The following ITPRID1 variants were observed in gnomAD, a reference collection of about 807,000 sequenced individuals.
ITPRID1 encodes the protein protein ITPRID1.
A neutral mutation model predicts 95.4 loss-of-function variants in ITPRID1; 96 were observed. The ratio of observed to expected loss-of-function variants is 1.01; its 90% CI spans 0.85 to 1.19. ITPRID1 has a LOEUF of 1.19. Among genes scored for constraint, ITPRID1 ranks in the 50% most tolerant of loss-of-function variants. The pLI, the probability that ITPRID1 is intolerant of heterozygous loss-of-function variation, is 0.00. For synonymous variants in ITPRID1, 510 were observed against 453.6 expected (o/e 1.12, Z -1.58); for missense variants, 1,339 against 1,252.9 (o/e 1.07, Z -1.04).
At chr7:31,651,721 A>G (rs1159420830) in intron 13 of ITPRID1, among the ~76,000 whole-genome samples, 1 of 152,014 alleles carries the variant, frequency 6.6e-6, no homozygotes, top group African/African-American at 2.4e-5. Flanking sequence ...AAATTATTAA[A>G]TTGTGCTCTT....
At chr7:31,543,769 A>T (rs1281826826) in intron 1 of ITPRID1, among the ~76,000 whole-genome samples, 2 of 152,052 alleles carry the variant, frequency 1.3e-5, no homozygotes, top group African/African-American at 4.8e-5. Context: ...TTTAATTTTC[A>T]TGGAGATCAT....
intron 10 of ITPRID1, among the ~76,000 whole-genome samples, chr7:31,614,476 C>T (rs553821738): frequency 1.3e-5 from 2 of 152,052 alleles, no homozygotes; most frequent in Non-Finnish European, 2.9e-5. Context: ...TGAAGTAAGA[C>T]AGAAAAAGCC....
At chr7:31,530,335 G>C (rs1783554949) in intron 1 of ITPRID1, among the ~76,000 whole-genome samples, 3 of 152,140 alleles carry the variant, frequency 2.0e-5, no homozygotes, top group South Asian at 4.1e-4. Flanking sequence ...TAATTAATCA[G>C]TGAATTCACT....
At chr7:31,593,098 A>G (rs1785936230) in intron 10 of ITPRID1, among the ~76,000 whole-genome samples, 1 of 152,158 alleles carries the variant, frequency 6.6e-6, no homozygotes, top group Admixed American at 6.5e-5. Flanking sequence ...TGAGGTCAGG[A>G]GTTCGAGACC....
intron 1 of ITPRID1, among the ~76,000 whole-genome samples, chr7:31,545,788 G>A (rs1784078245): frequency 6.6e-6 from 1 of 152,020 alleles, no homozygotes; most frequent in African/African-American, 2.4e-5. Flanking sequence ...TCCTAGCAGA[G>A]TGTTGACAGA....
At chr7:31,616,387 GTTTTGTTCTGAATCATCCCTA>G (rs1414563432) in intron 10 of ITPRID1, among the ~76,000 whole-genome samples, 4 of 149,306 alleles carry the variant, frequency 2.7e-5, no homozygotes, top group African/African-American at 9.9e-5. Context: ...AGGTCTTAGA[GTTTTGTTCTGAATCATCCCTA>G]CCACCTGTCT....
At chr7:31,538,336 T>C (rs1033392139) in intron 1 of ITPRID1, among the ~76,000 whole-genome samples, 1 of 152,212 alleles carries the variant, frequency 6.6e-6, no homozygotes, top group Non-Finnish European at 1.5e-5. Flanking sequence ...TTCCCCTAAA[T>C]ACTTCAGTGT....
chr7:31,613,676 A>G (rs774062502), intron 10 of ITPRID1, among the ~76,000 whole-genome samples: 5 of 152,194 alleles, frequency 3.3e-5, no homozygotes, highest in Non-Finnish European at 7.4e-5. Flanking sequence ...ACACATGATC[A>G]GCAGTTTGTT....
intron 2 of ITPRID1, chr7:31,551,996 G>A: frequency 2.6e-6 from 1 of 383,088 alleles, no homozygotes; most frequent in South Asian, 1.9e-5. Context: ...CACCTACTAT[G>A]TGCCAAAAAT....
At chr7:31,554,761 A>T in intron 4 of ITPRID1, 97 bp from the exon 5 acceptor site, 1 of 1,121,618 alleles carries the variant, frequency 8.9e-7, no homozygotes, top group East Asian at 2.6e-5. Context: ...ACTAAAACCT[A>T]ACTCTGCATT....
At chr7:31,588,717 G>A (rs1329375057) in intron 10 of ITPRID1, among the ~76,000 whole-genome samples, 2 of 151,284 alleles carry the variant, frequency 1.3e-5, no homozygotes, top group Non-Finnish European at 2.9e-5. Flanking sequence ...AGAGAAGGAG[G>A]AAAATCACAG....
intron 5 of ITPRID1, among the ~76,000 whole-genome samples, chr7:31,557,929 C>G (rs1784504076): frequency 6.6e-6 from 1 of 152,194 alleles, no homozygotes; most frequent in Non-Finnish European, 1.5e-5. Flanking sequence ...AATGTTCCCT[C>G]CAAAACTCAT....
intron 10 of ITPRID1, among the ~76,000 whole-genome samples, chr7:31,584,823 C>G (rs1785529816): frequency 6.6e-6 from 1 of 152,086 alleles, no homozygotes; most frequent in African/African-American, 2.4e-5. Context: ...ATTTTTTTCT[C>G]AAAGTACAAA....
At chr7:31,646,142 T>G (rs1790447240) in intron 12 of ITPRID1, among the ~76,000 whole-genome samples, 1 of 152,190 alleles carries the variant, frequency 6.6e-6, no homozygotes, top group Admixed American at 6.5e-5. Flanking sequence ...TTAAGTCATA[T>G]TTAGTTGTCT....
At chr7:31,607,505 GTCT>G (rs1786676362) in intron 10 of ITPRID1, among the ~76,000 whole-genome samples, 1 of 152,042 alleles carries the variant, frequency 6.6e-6, no homozygotes, top group Non-Finnish European at 1.5e-5. Flanking sequence ...TTGCTCCATT[GTCT>G]TCTTGTGTTG....
intron 10 of ITPRID1, among the ~76,000 whole-genome samples, chr7:31,607,326 G>T (rs989025199): frequency 1.3e-5 from 2 of 152,028 alleles, no homozygotes; most frequent in Admixed American, 6.5e-5. Flanking sequence ...TGATGCTTTC[G>T]CTTTGATGCC....
At chr7:31,651,292 AAAGT>A in intron 13 of ITPRID1, 23 bp downstream of exon 13, 1 of 1,610,056 alleles carries the variant, frequency 6.2e-7, no homozygotes, top group Non-Finnish European at 8.5e-7. Context: ...GGGAGCCATA[AAAGT>A]AAGTACCAGC....
Position 31,574,714 on chromosome 7 carries a change from A to C in ITPRID1, c.570A>C (p.Arg190=), listed in dbSNP as rs1377678678. 2 of 1,613,840 alleles carry C rather than the reference A, an allele frequency of 1.2e-6. No homozygotes were observed. Among genetic ancestry groups the C allele is most frequent in the South Asian group, 2.2e-5 (2 of 91,084 alleles). Reference sequence around the variant, plus strand: ...TTTTTCTTGAAGCTCAAAAGCAGCGAATGGACATTGAGAACCCCAACTTGT... The same window carrying C: ...TTTTTCTTGAAGCTCAAAAGCAGCGCATGGACATTGAGAACCCCAACTTGT... ...IRVFLEAQKQ[R]MDIENPNLYG... is the part of the protein sequence containing the mutation. The change falls in exon 8 of 15, where the codon CGA becomes CGC. Residue 190 remains arginine (R), a synonymous_variant. Transcript: ENST00000615280.
At chr7:31,624,435 TG>T (rs1476476660) in intron 10 of ITPRID1, among the ~76,000 whole-genome samples, 1 of 128,722 alleles carries the variant, frequency 7.8e-6, no homozygotes, top group South Asian at 3.0e-4. Context: ...TATAGATCAA[TG>T]GAACAGAACA....
Sources: gnomAD v4.1 joint callset for allele counts (sites outside exome capture counted in the v4.1 genomes callset) on GRCh38, gnomAD v4.1.1 for gene constraint, MANE v1.5 for transcripts, NCBI Gene and HGNC (gene_info 2026-07-23, HGNC 2026-07-21) for gene names.